Variants in GALNTL6 observed in about 807,000 individuals in gnomAD.
GALNTL6 encodes the protein polypeptide N-acetylgalactosaminyltransferase-like 6.
GALNTL6 carries 46 observed loss-of-function variants against 73.7 expected under a neutral mutation model. The ratio of observed to expected loss-of-function variants is 0.62; its 90% CI spans 0.49 to 0.80. The LOEUF is 0.80. Ranked by LOEUF, GALNTL6 falls within the 30% of genes least tolerant of loss-of-function variation. The pLI is 0.00. For synonymous variants in GALNTL6, 259 were observed against 263.7 expected, an observed-to-expected ratio of 0.98 and a Z score of 0.17; for missense variants, 604 against 755.0, an observed-to-expected ratio of 0.80 and a Z score of 2.34.
rs187744208 is a variant in GALNTL6 at position 172,021,306 on chromosome 4, A to G, written c.138+206588A>G. ...AGAGCAATCAGAAAAGAGGAATAAT[A>G]AAGGACATCCGAATTTGAAAGAAAG... On this transcript the variant is annotated intron_variant, in intron 2 of 12. Transcript: ENST00000506823. 7.9e-3 allele frequency among the ~76,000 whole-genome samples: 1,202 copies of G among 152,160 alleles called. 6 individuals carry two copies. The highest frequency in any genetic ancestry group is 0.013 in the Non-Finnish European group (876 of 67,928).
intron 2 of GALNTL6, among the ~76,000 whole-genome samples, chr4:172,056,435 A>T (rs1731020951): frequency 1.3e-5 from 2 of 152,206 alleles, no homozygotes; most frequent in East Asian, 3.9e-4. Flanking sequence ...CTCTCTCCTG[A>T]GAATATTTCT....
At chr4:172,679,241 A>C (rs940601105) in intron 5 of GALNTL6, among the ~76,000 whole-genome samples, 2 of 152,024 alleles carry the variant, frequency 1.3e-5, no homozygotes, top group African/African-American at 4.8e-5. Context: ...GTGAAACCCC[A>C]TCTCTACTAA....
intron 8 of GALNTL6, among the ~76,000 whole-genome samples, chr4:172,888,553 G>C (rs1745850883): frequency 6.6e-6 from 1 of 152,140 alleles, no homozygotes; most frequent in Non-Finnish European, 1.5e-5. Context: ...CTTTGTAGAA[G>C]ATCAGTTCAT....
intron 5 of GALNTL6, among the ~76,000 whole-genome samples, chr4:172,770,351 C>T (rs896603600): frequency 6.6e-6 from 1 of 151,706 alleles, no homozygotes; most frequent in Admixed American, 6.6e-5. Context: ...ATATTAATTG[C>T]TCAATAAAAG....
At chr4:172,465,968 A>T (rs1010437861) in intron 5 of GALNTL6, among the ~76,000 whole-genome samples, 5 of 152,334 alleles carry the variant, frequency 3.3e-5, no homozygotes, top group East Asian at 3.9e-4. Flanking sequence ...CAGTTTTTTT[A>T]AAAAACTGTC....
intron 12 of GALNTL6, among the ~76,000 whole-genome samples, chr4:173,022,048 AAGGAAGGAAGG>A (rs1753016210): frequency 8.7e-6 from 1 of 114,656 alleles, no homozygotes; most frequent in Non-Finnish European, 1.9e-5. Context: ...GGAAGGAAGG[AAGGAAGGAAGG>A]AAGGAAGGAA....
chr4:172,227,032 G>A (rs1292648759), intron 2 of GALNTL6, among the ~76,000 whole-genome samples: 3 of 152,088 alleles, frequency 2.0e-5, no homozygotes, highest in Non-Finnish European at 2.9e-5. Flanking sequence ...TTAATTATAC[G>A]TTAAAGGCTC....
chr4:172,259,665 G>A (rs1237339929), intron 3 of GALNTL6, among the ~76,000 whole-genome samples: 1 of 151,286 alleles, frequency 6.6e-6, no homozygotes, highest in Non-Finnish European at 1.5e-5. Flanking sequence ...TGGATTCTTG[G>A]TCATGAACTC....
intron 2 of GALNTL6, among the ~76,000 whole-genome samples, chr4:172,153,910 G>T (rs1359067563): frequency 1.3e-5 from 2 of 152,178 alleles, no homozygotes; most frequent in Admixed American, 1.3e-4. Context: ...TTTCAAGGAG[G>T]CGTTGCCAAA....
chr4:172,238,265 T>A (rs971432077), intron 3 of GALNTL6, among the ~76,000 whole-genome samples: 2 of 152,212 alleles, frequency 1.3e-5, no homozygotes, highest in Non-Finnish European at 1.5e-5. Context: ...TTATTTCATC[T>A]CTGATTTCTT....
intron 2 of GALNTL6, among the ~76,000 whole-genome samples, chr4:172,112,363 G>A (rs1413212062): frequency 6.6e-6 from 1 of 152,030 alleles, no homozygotes; most frequent in Non-Finnish European, 1.5e-5. Flanking sequence ...ATGTCCATGT[G>A]TAGGTTTTTT....
In GALNTL6 at chr4:172,871,106, T is replaced by C. The variant is rs539007257; in HGVS notation, c.924-11684T>C. 3.9e-5 allele frequency among the ~76,000 whole-genome samples: 6 copies of C among 152,304 alleles called. No homozygotes were observed. The Middle Eastern group carries it at 0.017, about 432-fold the overall frequency. ...GGGTAGCAGGGGAAGGCTTTGCCTC[T>C]CTCTCTTCACAGAGTTTCTGCTCCA... On this transcript the variant is annotated intron_variant, in intron 7 of 12. Coordinates refer to ENST00000506823, the MANE Select transcript of GALNTL6 (RefSeq NM_001034845.3).
intron 5 of GALNTL6, among the ~76,000 whole-genome samples, chr4:172,469,235 A>G (rs1236218571): frequency 6.6e-6 from 1 of 152,188 alleles, no homozygotes; most frequent in African/African-American, 2.4e-5. Context: ...GAAAATATGC[A>G]TGGATATAGA....
intron 5 of GALNTL6, among the ~76,000 whole-genome samples, chr4:172,615,759 C>A (rs1738703976): frequency 6.6e-6 from 1 of 152,048 alleles, no homozygotes; most frequent in African/African-American, 2.4e-5. Flanking sequence ...ATCTAAATTG[C>A]AAAGCTATTT....
At chr4:172,795,120 G>A (rs1005521503) in intron 5 of GALNTL6, among the ~76,000 whole-genome samples, 42 of 152,150 alleles carry the variant, frequency 2.8e-4, no homozygotes, top group African/African-American at 8.4e-4. Flanking sequence ...GGAGAAAGGC[G>A]GAGATCAAAG....
chr4:172,888,417 A>T (rs953168545), intron 8 of GALNTL6, among the ~76,000 whole-genome samples: 6 of 152,278 alleles, frequency 3.9e-5, no homozygotes, highest in Admixed American at 3.9e-4. Context: ...ATATCCAGTT[A>T]TCCCAGCACT....
chr4:171,990,050 G>A (rs926809959), intron 2 of GALNTL6, among the ~76,000 whole-genome samples: 1 of 152,142 alleles, frequency 6.6e-6, no homozygotes, highest in East Asian at 1.9e-4. Context: ...GTGATAAAAG[G>A]ATTATAGGGT....
chr4:172,051,648 A>T (rs1251353544), intron 2 of GALNTL6, among the ~76,000 whole-genome samples: 1 of 151,972 alleles, frequency 6.6e-6, no homozygotes, highest in Non-Finnish European at 1.5e-5. Context: ...TCTTCTGTTC[A>T]TCTCCTCATA....
At chr4:172,094,942 T>C (rs1459661354) in intron 2 of GALNTL6, among the ~76,000 whole-genome samples, 1 of 151,854 alleles carries the variant, frequency 6.6e-6, no homozygotes, top group African/African-American at 2.4e-5. Context: ...AATCCCATAG[T>C]TTTTTGTTTT....
Sources: gnomAD v4.1 joint callset for allele counts (sites outside exome capture counted in the v4.1 genomes callset) on GRCh38, gnomAD v4.1.1 for gene constraint, MANE v1.5 for transcripts, NCBI Gene and HGNC (gene_info 2026-07-23, HGNC 2026-07-21) for gene names.